The following CSMD1 variants were observed in gnomAD, a reference collection of about 807,000 sequenced individuals.
CSMD1 encodes CUB and Sushi multiple domains 1.
A neutral mutation model predicts 417.5 loss-of-function variants in CSMD1; 213 were observed. The ratio of observed to expected loss-of-function variants is 0.51; its 90% CI spans 0.46 to 0.57. The LOEUF (loss-of-function observed/expected upper bound fraction) is 0.57, where lower values mean the gene tolerates loss of function less well. Among genes scored for constraint, CSMD1 ranks in the 20% least tolerant of loss-of-function variants. The pLI is 0.00. For synonymous variants in CSMD1, 2,862 were observed against 1,736.8 expected, an observed-to-expected ratio of 1.65 and a Z score of -16.11; for missense variants, 6,923 against 4,529.7, an observed-to-expected ratio of 1.53 and a Z score of -15.17.
chr8:3,476,607 C>G (rs530383132), intron 11 of CSMD1, among the ~76,000 whole-genome samples: 1 of 152,106 alleles, frequency 6.6e-6, no homozygotes, highest in Non-Finnish European at 1.5e-5. Flanking sequence ...TTCTCACACC[C>G]CAAAATTACA....
At chr8:4,607,107 T>C (rs1800916221) in intron 2 of CSMD1, among the ~76,000 whole-genome samples, 1 of 152,176 alleles carries the variant, frequency 6.6e-6, no homozygotes, top group Non-Finnish European at 1.5e-5. Flanking sequence ...GTAATATTTA[T>C]TGTGTTTGGA....
chr8:4,415,761 A>G (rs1005896733), intron 3 of CSMD1, among the ~76,000 whole-genome samples: 40 of 152,350 alleles, frequency 2.6e-4, no homozygotes, highest in African/African-American at 7.2e-4. Context: ...TTGTGCACGT[A>G]TAAGTATGGA....
chr8:4,276,063 C>A (rs577259269), intron 3 of CSMD1, among the ~76,000 whole-genome samples: 1 of 152,072 alleles, frequency 6.6e-6, no homozygotes, highest in African/African-American at 2.4e-5. Flanking sequence ...GACAGTGTGA[C>A]GATTCCTTAA....
chr8:4,093,710 C>G (rs1047975818), intron 3 of CSMD1, among the ~76,000 whole-genome samples: 10 of 152,090 alleles, frequency 6.6e-5, no homozygotes, highest in African/African-American at 2.2e-4. Flanking sequence ...ACTGTAATTT[C>G]GGCACTTTGG....
intron 1 of CSMD1, among the ~76,000 whole-genome samples, chr8:4,733,956 G>T (rs888047764): frequency 1.3e-4 from 20 of 152,200 alleles, no homozygotes; most frequent in Admixed American, 1.3e-3. Context: ...GCTGTATGAA[G>T]TTAGAATTAT....
intron 10 of CSMD1, among the ~76,000 whole-genome samples, chr8:3,573,279 G>A (rs1563165626): frequency 6.6e-6 from 1 of 152,166 alleles, no homozygotes; most frequent in Non-Finnish European, 1.5e-5. Flanking sequence ...AAGTGGCAGA[G>A]CTGGTTCTTA....
At chr8:4,243,018 G>C (rs1802493273) in intron 3 of CSMD1, among the ~76,000 whole-genome samples, 1 of 152,150 alleles carries the variant, frequency 6.6e-6, no homozygotes, top group South Asian at 2.1e-4. Flanking sequence ...AAAGGAAACA[G>C]ACTAGAATGG....
At chr8:3,803,284 T>G (rs574420465) in intron 5 of CSMD1, among the ~76,000 whole-genome samples, 3 of 152,170 alleles carry the variant, frequency 2.0e-5, no homozygotes, top group South Asian at 2.1e-4. Flanking sequence ...TTGCATAAAG[T>G]TGACGGTTTA....
chr8:3,568,125 CTT>C (rs898608440), intron 10 of CSMD1, among the ~76,000 whole-genome samples: 4 of 151,924 alleles, frequency 2.6e-5, no homozygotes, highest in South Asian at 2.1e-4. Flanking sequence ...ATAAAACAAA[CTT>C]ATAATTAAAT....
chr8:4,833,869 A>C (rs1397344112), intron 1 of CSMD1, among the ~76,000 whole-genome samples: 1 of 152,214 alleles, frequency 6.6e-6, no homozygotes, highest in Non-Finnish European at 1.5e-5. Context: ...ACTCTAGTGA[A>C]GGTTGTAAAT....
intron 2 of CSMD1, among the ~76,000 whole-genome samples, chr8:4,635,360 T>C (rs555162911): frequency 6.1e-4 from 93 of 152,258 alleles, no homozygotes; most frequent in African/African-American, 2.1e-3. Flanking sequence ...ATATTGAAGA[T>C]GGTAAGAATG....
intron 25 of CSMD1, among the ~76,000 whole-genome samples, chr8:3,292,744 G>A (rs1028041056): frequency 6.6e-6 from 1 of 152,170 alleles, no homozygotes; most frequent in Non-Finnish European, 1.5e-5. Flanking sequence ...TGGGTTTCCT[G>A]AATAGAGCAC....
intron 3 of CSMD1, among the ~76,000 whole-genome samples, chr8:4,391,635 C>T (rs1243962406): frequency 6.6e-6 from 1 of 152,040 alleles, no homozygotes; most frequent in African/African-American, 2.4e-5. Context: ...GTGAAATACA[C>T]TGCTGGGTTG....
intron 27 of CSMD1, 95 bp downstream of exon 27, chr8:3,229,945 A>C (rs1798734714): frequency 3.4e-6 from 3 of 891,390 alleles, no homozygotes; most frequent in South Asian, 4.6e-5. Context: ...CTCTTGAGAA[A>C]TATTTCTGAA....
chr8:3,875,010 G>C (rs530076327), intron 5 of CSMD1, among the ~76,000 whole-genome samples: 5,666 of 152,262 alleles, frequency 0.037, 192 homozygotes, highest in African/African-American at 0.086. Context: ...ATCTCAAGAA[G>C]AATGGATGCA....
chr8:4,981,030 G>C (rs990123384), intron 1 of CSMD1, among the ~76,000 whole-genome samples: 7 of 152,146 alleles, frequency 4.6e-5, no homozygotes, highest in African/African-American at 1.7e-4. Flanking sequence ...GGTTGACATA[G>C]TTAGAAGAAA....
intron 52 of CSMD1, among the ~76,000 whole-genome samples, chr8:3,015,971 T>C (rs1808792928): frequency 6.6e-6 from 1 of 152,126 alleles, no homozygotes; most frequent in African/African-American, 2.4e-5. Context: ...CCAGAGCTCA[T>C]TTCACTTCTA....
intron 2 of CSMD1, among the ~76,000 whole-genome samples, chr8:4,428,476 G>A (rs900245797): frequency 6.6e-6 from 1 of 152,090 alleles, no homozygotes; most frequent in African/African-American, 2.4e-5. Context: ...GAGTAAAAAG[G>A]CTGCATGCCT....
intron 1 of CSMD1, among the ~76,000 whole-genome samples, chr8:4,936,351 CG>C (rs1563810456): frequency 6.6e-6 from 1 of 152,062 alleles, no homozygotes. Flanking sequence ...AATAGTAAAT[CG>C]GCCTGGTTAA....
Sources: allele counts gnomAD v4.1 joint callset (sites outside exome capture counted in the v4.1 genomes callset), GRCh38; gene constraint gnomAD v4.1.1; transcripts MANE v1.5; gene names NCBI Gene and HGNC (gene_info 2026-07-23, HGNC 2026-07-21).